RSPH14: variants seen among roughly 807,000 people sequenced by gnomAD.
RSPH14 encodes rhabdoid tumor deletion region gene 1.
Under a neutral mutation model 26.7 loss-of-function variants are expected in RSPH14, and 20 were observed. That is an observed-to-expected ratio of 0.75 (90% CI 0.53 to 1.09). The LOEUF is 1.09. Among genes scored for constraint, RSPH14 ranks in the 50% least tolerant of loss-of-function variants. The pLI is 0.00. For synonymous variants in RSPH14, 177 were observed against 189.3 expected, an observed-to-expected ratio of 0.93 and a Z score of 0.53; for missense variants, 449 against 457.2, an observed-to-expected ratio of 0.98 and a Z score of 0.16.
At chr22:23,180,613 G>A in the RSPH14 span, 21 of 179,682 alleles carry the variant, frequency 1.2e-4, no homozygotes, top group Non-Finnish European at 6.6e-5. Context: ...GGGGCTGTGG[G>A]GCGGTGCGGA....
intron 4 of RSPH14, among the ~76,000 whole-genome samples, chr22:23,067,777 G>A (rs550794461): frequency 6.6e-6 from 1 of 151,870 alleles, no homozygotes; most frequent in South Asian, 2.1e-4. Context: ...ATCTCCCTGG[G>A]TCCTGATAAT....
intron 4 of RSPH14, among the ~76,000 whole-genome samples, chr22:23,130,095 GAAAGAAAGAAAGAAAGAAAGAA>G: frequency 2.2e-5 from 1 of 45,940 alleles, no homozygotes; most frequent in Admixed American, 2.4e-4. Flanking sequence ...AAGAAAGAAA[GAAAGAAAGAAAGAAAGAAAGAA>G]AGAAAGAAAG....
intron 4 of RSPH14, among the ~76,000 whole-genome samples, chr22:23,087,587 G>C (rs2068853791): frequency 6.6e-6 from 1 of 152,226 alleles, no homozygotes; most frequent in Admixed American, 6.5e-5. Context: ...CAGGAGACCG[G>C]AGTGTTATTA....
At chr22:23,141,847 A>T in intron 1 of RSPH14, 102 bp downstream of exon 1, 1 of 405,520 alleles carries the variant, frequency 2.5e-6, no homozygotes, top group Non-Finnish European at 3.3e-6. Flanking sequence ...GAGACAAAAG[A>T]CCGTGATTTT....
chr22:23,158,451 G>C, the RSPH14 span, among the ~76,000 whole-genome samples: 1 of 152,220 alleles, frequency 6.6e-6, no homozygotes, highest in South Asian at 2.1e-4. Flanking sequence ...CTTGAGAAGA[G>C]AGAATTGGCA....
chr22:23,096,383 G>A (rs768056901), intron 4 of RSPH14: 12 of 1,611,978 alleles, frequency 7.4e-6, no homozygotes, highest in Middle Eastern at 1.6e-4. Flanking sequence ...GGAGCTCAGC[G>A]GCTACGACCT....
chr22:23,158,843 C>T, the RSPH14 span: 2 of 1,532,110 alleles, frequency 1.3e-6, no homozygotes, highest in Non-Finnish European at 1.8e-6. Context: ...CCCTCTGCCC[C>T]CTGTTTGGGG....
At chr22:23,112,636 C>T (rs775511847) in intron 4 of RSPH14, among the ~76,000 whole-genome samples, 5 of 152,176 alleles carry the variant, frequency 3.3e-5, no homozygotes, top group African/African-American at 4.8e-5. Context: ...GGGCCACTTC[C>T]TGAGAAATGG....
At chr22:23,143,324 T>C (rs945694876), upstream of RSPH14, among the ~76,000 whole-genome samples, 7 of 144,638 alleles carry the variant, frequency 4.8e-5, no homozygotes, top group Admixed American at 2.1e-4. Context: ...AATAAATAAA[T>C]AAATAAATAG....
chr22:23,141,853 A>AT (rs2070608211), intron 1 of RSPH14, 96 bp downstream of exon 1: 1 of 449,568 alleles, frequency 2.2e-6, no homozygotes, highest in South Asian at 9.3e-5. Context: ...AAAGACCGTG[A>AT]TTTTGAGTGT....
At chr22:23,121,064 C>T (rs956896612) in intron 4 of RSPH14, among the ~76,000 whole-genome samples, 6 of 152,162 alleles carry the variant, frequency 3.9e-5, no homozygotes, top group Non-Finnish European at 2.9e-5. Flanking sequence ...TCCTAGACCA[C>T]CACTTATCTC....
chr22:23,119,825 C>T (rs1020493526), intron 4 of RSPH14, among the ~76,000 whole-genome samples: 1 of 152,050 alleles, frequency 6.6e-6, no homozygotes, highest in African/African-American at 2.4e-5. Context: ...AGCCAAGAAA[C>T]AAGACCAGGA....
chr22:23,104,048 T>C (rs2069384907), intron 4 of RSPH14, among the ~76,000 whole-genome samples: 1 of 151,114 alleles, frequency 6.6e-6, no homozygotes, highest in South Asian at 2.1e-4. Context: ...CCTGCACAGA[T>C]TGGGATGAAC....
chr22:23,094,106 C>T (rs1398014310), intron 4 of RSPH14, among the ~76,000 whole-genome samples: 1 of 152,144 alleles, frequency 6.6e-6, no homozygotes, highest in East Asian at 1.9e-4. Context: ...CTCGGGCCTT[C>T]CCACCCCAGG....
At chr22:23,069,672 GC>G (rs1325842279) in intron 4 of RSPH14, among the ~76,000 whole-genome samples, 1 of 152,158 alleles carries the variant, frequency 6.6e-6, no homozygotes, top group African/African-American at 2.4e-5. Context: ...TGCCAGGATT[GC>G]CAGGGACGCC....
chr22:23,131,522 TG>T, intron 4 of RSPH14: 1 of 881,164 alleles, frequency 1.1e-6, no homozygotes, highest in Non-Finnish European at 1.6e-6. Context: ...CAAAGCTGGC[TG>T]GTGGTATCCA....
chr22:23,067,593 G>A (rs1239199436), intron 4 of RSPH14, among the ~76,000 whole-genome samples: 1 of 152,208 alleles, frequency 6.6e-6, no homozygotes, highest in African/African-American at 2.4e-5. Flanking sequence ...AGCTTTCTCG[G>A]CTTCCAGGTA....
intron 4 of RSPH14, among the ~76,000 whole-genome samples, chr22:23,101,286 G>A (rs1482199695): frequency 6.6e-6 from 1 of 152,016 alleles, no homozygotes; most frequent in East Asian, 1.9e-4. Flanking sequence ...CCTGGCACTG[G>A]CCCCTGGGAA....
intron 4 of RSPH14, among the ~76,000 whole-genome samples, chr22:23,069,432 G>A (rs1291216884): frequency 1.3e-5 from 2 of 152,202 alleles, no homozygotes; most frequent in African/African-American, 4.8e-5. Context: ...TTTAAGCATG[G>A]AACTGAGGGA....
Sources: allele counts gnomAD v4.1 joint callset (sites outside exome capture counted in the v4.1 genomes callset), GRCh38; gene constraint gnomAD v4.1.1; transcripts MANE v1.5; gene names NCBI Gene and HGNC (gene_info 2026-07-23, HGNC 2026-07-21).